ADGRL1: variants seen among roughly 807,000 people sequenced by gnomAD.
The protein encoded by ADGRL1 is CIRL-1.
Under a neutral mutation model 148.9 loss-of-function variants are expected in ADGRL1, and 31 were observed. That is an observed-to-expected ratio of 0.21 (90% CI 0.16 to 0.28). The LOEUF (loss-of-function observed/expected upper bound fraction) is 0.28. ADGRL1 is among the 10% of genes least tolerant of loss of function. The probability of loss-of-function intolerance (pLI) is 1.00; values close to 1 mark genes in which losing one functional copy is unlikely to be tolerated. For synonymous variants in ADGRL1, 937 were observed against 900.3 expected (o/e 1.04, Z -0.73); for missense variants, 1,521 against 2,058.8 (o/e 0.74, Z 5.05).
chr19:14,188,998 C>T (rs565576119), intron 1 of ADGRL1, among the ~76,000 whole-genome samples: 2 of 152,190 alleles, frequency 1.3e-5, no homozygotes, highest in Admixed American at 6.6e-5. Context: ...GTGATCCACC[C>T]GCCTCGGCCT....
Position 14,152,491 on chromosome 19 carries a change from C to G in ADGRL1, c.3520+26G>C. On this transcript the variant is annotated intron_variant, in intron 20 of 22. Coordinates refer to ENST00000361434, the MANE Select transcript of ADGRL1 (RefSeq NM_014921.5). This position sits in a 1 kb window ranked among gnomAD's most constrained non-coding sequence, Gnocchi z 6.1. The stretch of plus-strand genomic sequence containing the variant: ...AGCCGGGAGCCTCCAGAGACTGAAG[C>G]CAGAGGCAGAAGGATGCCTTCTCAC... 1.2e-6 allele frequency: 2 copies of G among 1,612,466 alleles called. No homozygotes were observed. Among genetic ancestry groups the G allele is most frequent in the African/African-American group, 2.7e-5 (2 of 74,996 alleles).
In ADGRL1 at chr19:14,159,876, G is replaced by A. The variant is rs1969161226; in HGVS notation, c.1801-103C>T. On this transcript the variant is annotated intron_variant, in intron 8 of 22. Transcript: ENST00000361434. This position sits in a 1 kb window ranked among gnomAD's most constrained non-coding sequence, Gnocchi z 6.0. ...AGCTCTCTCGTCTGCGGTTACCACT[G>A]ACCCAGGGCTGGGCTATCAGCAAGA... 8.7e-7 allele frequency: 1 copy of A among 1,150,966 alleles called. No individual in the cohort carries two copies. The highest frequency in any genetic ancestry group is 1.5e-5 in the African/African-American group (1 of 66,140). The allele number at this position is 1,150,966 out of a possible 1,614,324, so 71.3% of individuals were successfully genotyped here. A position where few individuals can be genotyped will look rare whatever the true frequency, so the allele number is the denominator to read the frequency against.
At position 14,175,381 on chromosome 19, in the gene ADGRL1, C is replaced by T. The variant is rs186603589; in HGVS notation, c.284+2150G>A. 1.6e-3 allele frequency among the ~76,000 whole-genome samples: 239 copies of T among 151,668 alleles called. 2 individuals carry two copies. The highest frequency in any genetic ancestry group is 2.6e-3 in the Non-Finnish European group (175 of 67,872). ...TAAATACACAAAGACACAGCCACACCCACCCACCCCCACACACGTGCACCC... is the reference window on the plus strand; with the variant it reads ...TAAATACACAAAGACACAGCCACACTCACCCACCCCCACACACGTGCACCC... On this transcript the variant is annotated intron_variant, in intron 3 of 22. Coordinates refer to ENST00000361434, the MANE Select transcript of ADGRL1 (RefSeq NM_014921.5).
At chr19:14,184,630 A>ATTTTTTTT (rs1568618689) in intron 1 of ADGRL1, among the ~76,000 whole-genome samples, 3 of 88,490 alleles carry the variant, frequency 3.4e-5, no homozygotes, top group African/African-American at 1.4e-4. Flanking sequence ...TTATTTATTT[A>ATTTTTTTT]TTTATTTATT....
Position 14,177,557 on chromosome 19 carries a change from C to T in ADGRL1, c.258G>A (p.Pro86=), listed in dbSNP as rs146417164. The change falls in exon 3 of 23, where the codon CCG becomes CCA. Residue 86 remains proline, a synonymous_variant. Coordinates refer to ENST00000361434, the MANE Select transcript of ADGRL1 (RefSeq NM_014921.5). ...FQMENVQCYL[P]DAFKIMSQRC... ...TCTGTGACATGATCTTGAAGGCGTCCGGCAGGTAGCACTGCACATTCTCCA... is the reference window on the plus strand; with the variant it reads ...TCTGTGACATGATCTTGAAGGCGTCTGGCAGGTAGCACTGCACATTCTCCA... 0.012 allele frequency: 19,465 copies of T among 1,614,180 alleles called. 175 individuals are homozygous for T. The highest frequency in any genetic ancestry group is 0.013 in the Non-Finnish European group (15,276 of 1,180,036).
At chr19:14,156,537 T>G in intron 16 of ADGRL1, 121 bp downstream of exon 16, 1 of 652,744 alleles carries the variant, frequency 1.5e-6, no homozygotes. Context: ...AGTTCCGATG[T>G]GTGGAGAGAG....
At position 14,155,871 on chromosome 19, in the gene ADGRL1, C is replaced by A; in HGVS notation, c.3125+239G>T. 3.4e-6 allele frequency: 2 copies of A among 582,826 alleles called. No individual in the cohort carries two copies. 36.1% of individuals were successfully genotyped at this position (582,826 alleles called of 1,614,324 possible). ...AAACAGACTCACCTTTTGAATTTAG[C>A]CTCAGCCTACATACCGATGCCCCTA... On this transcript the variant is annotated intron_variant, in intron 17 of 22. Transcript: ENST00000361434. The surrounding 1 kb of genome is among the most constrained non-coding windows in gnomAD (Gnocchi z 5.0).
chr19:14,160,223 C>T lies in ADGRL1; in HGVS notation c.1689G>A (p.Gly563=), dbSNP rs764447071. The T allele has an allele frequency of 1.2e-5, 20 of 1,601,820 alleles. No individual in the cohort carries two copies. The South Asian group carries it at 1.8e-4, about 14-fold the overall frequency. ...ARHTRGSIYA[G]DVSSSVKLME... is the part of the protein sequence containing the mutation. ...TCAGCTTCACAGAGGAGGAGACGTC[C>T]CCCGCGTAGATGGAGCCCCGGGTGT... The change falls in exon 8 of 23, where the codon GGG becomes GGA. Residue 563 remains glycine (G), a synonymous_variant. Coordinates refer to ENST00000361434, the MANE Select transcript of ADGRL1 (RefSeq NM_014921.5). The surrounding 1 kb of genome is among the most constrained non-coding windows in gnomAD (Gnocchi z 5.9).
chr19:14,175,441 A>G (rs546950813), intron 3 of ADGRL1, among the ~76,000 whole-genome samples: 1 of 149,288 alleles, frequency 6.7e-6, no homozygotes, highest in East Asian at 2.0e-4. Context: ...GAAAACACAC[A>G]CCTCAGTCAG....
intron 1 of ADGRL1, among the ~76,000 whole-genome samples, chr19:14,195,100 G>A (rs1464305708): frequency 1.3e-5 from 2 of 152,008 alleles, no homozygotes; most frequent in Non-Finnish European, 2.9e-5. Context: ...GCCCAGGCTG[G>A]TCTTGAATTC....
intron 2 of ADGRL1, 76 bp from the exon 3 acceptor site, chr19:14,177,820 A>C (rs1298602832): frequency 1.4e-5 from 19 of 1,345,046 alleles, no homozygotes; most frequent in Non-Finnish European, 1.9e-5. Flanking sequence ...TGCCAAGAAA[A>C]CACCACCTCT....
chr19:14,172,727 A>G (rs1040486164), intron 3 of ADGRL1, among the ~76,000 whole-genome samples: 1 of 152,134 alleles, frequency 6.6e-6, no homozygotes, highest in African/African-American at 2.4e-5. Flanking sequence ...GACAATTCAT[A>G]CATTTTAAGT....
chr19:14,205,832 G>A (rs932139017), intron 1 of ADGRL1, among the ~76,000 whole-genome samples, 153 bp downstream of exon 1: 7 of 151,564 alleles, frequency 4.6e-5, no homozygotes, highest in African/African-American at 1.5e-4. Flanking sequence ...TCCCGCTCAG[G>A]TGCGGTGCCC....
chr19:14,163,390 C>A lies in ADGRL1; in HGVS notation c.411G>T (p.Gly137=), dbSNP rs1227514389. 1 of 1,567,146 alleles carries A rather than the reference C, an allele frequency of 6.4e-7. No individual in the cohort carries two copies. The highest frequency in any genetic ancestry group is 1.9e-5 in the Admixed American group (1 of 53,334). Reference sequence around the variant, plus strand: ...TGGGCTCCAGCACCTTCTGCAGGGTCCCTGGGCACACGAAGACTGGGCAGA... The same window carrying A: ...TGGGCTCCAGCACCTTCTGCAGGGTACCTGGGCACACGAAGACTGGGCAGA... ...DCVPYIFVCP[G]TLQKVLEPTS... Residue 137 remains glycine (G), a synonymous_variant, in exon 5 of 23, where the codon GGG becomes GGT. Transcript: ENST00000361434.
chr19:14,186,256 CTA>C (rs1971567092), intron 1 of ADGRL1, among the ~76,000 whole-genome samples: 1 of 152,140 alleles, frequency 6.6e-6, no homozygotes, highest in Non-Finnish European at 1.5e-5. Context: ...TGAGGTCTTG[CTA>C]TGTTGCCCAG....
rs1383878430 is a variant in ADGRL1, at chr19:14,155,604, C to A, written c.3126-77G>T. On this transcript the variant is annotated intron_variant, in intron 17 of 22. Transcript: ENST00000361434. The surrounding 1 kb of genome is among the most constrained non-coding windows in gnomAD (Gnocchi z 5.0). ...CAGCCCAGGCCTCCCCTGCAGCCTACAACGGGGGCCCTTGGGTGGGCCTGG... is the reference window on the plus strand; with the variant it reads ...CAGCCCAGGCCTCCCCTGCAGCCTAAAACGGGGGCCCTTGGGTGGGCCTGG... The A allele has an allele frequency of 3.3e-6, 5 of 1,493,960 alleles. No homozygotes were observed. The highest frequency in any genetic ancestry group is 4.6e-6 in the Non-Finnish European group (5 of 1,092,020). 92.5% of individuals were successfully genotyped at this position (1,493,960 alleles called of 1,614,324 possible).
chr19:14,156,691 C>A lies in ADGRL1; in HGVS notation c.3000G>T (p.Trp1000Cys). 6.2e-7 allele frequency: 1 copy of A among 1,611,824 alleles called. No individual in the cohort carries two copies. The highest frequency in any genetic ancestry group is 8.5e-7 in the Non-Finnish European group (1 of 1,179,108). Reference sequence around the variant, plus strand: ...CGAAGGAGACTGGCCCGATGAAACTCCAGATGAAGTAATTGTCCACTCGGA... The same window carrying A: ...CGAAGGAGACTGGCCCGATGAAACTACAGATGAAGTAATTGTCCACTCGGA... ...CWLRVDNYFI[W>C]SFIGPVSFVI... is the part of the protein sequence containing the mutation. The change falls in exon 16 of 23, where the codon TGG becomes TGT. Residue 1000 changes from tryptophan to cysteine, a missense_variant. Physicochemically the swap from Trp to Cys is radical, Grantham distance 215. Coordinates refer to ENST00000361434, the MANE Select transcript of ADGRL1 (RefSeq NM_014921.5).
Position 14,156,957 on chromosome 19 carries a change from G to A in ADGRL1, c.2934C>T (p.Ala978=). 6.2e-7 allele frequency: 1 copy of A among 1,612,896 alleles called. No homozygotes were observed. The highest frequency in any genetic ancestry group is 8.5e-7 in the Non-Finnish European group (1 of 1,179,858). ...FPALVVGIAA[A]IDYRSYGTEK... ...CGGTGCCGTAGCTGCGGTAGTCAAT[G>A]GCAGCCGCGATGCCCACCACCAGGG... is the stretch of plus-strand genomic sequence containing the variant. Residue 978 remains alanine (A), a synonymous_variant, in exon 15 of 23, where the codon GCC becomes GCT. Transcript: ENST00000361434.
In ADGRL1 at chr19:14,158,497, C is replaced by T. The variant is rs1256460388; in HGVS notation, c.2205G>A (p.Thr735=). The T allele has an allele frequency of 1.2e-6, 2 of 1,614,078 alleles. No individual in the cohort carries two copies. The highest frequency in any genetic ancestry group is 8.5e-7 in the Non-Finnish European group (1 of 1,180,030). ...LYNNLGLFLS[T]ENATVKLAGE... is the part of the protein sequence containing the mutation. ...CGGCCAGCTTCACTGTGGCATTCTC[C>T]GTGGACAGGAAGAGGCCCAGGTTGT... The change falls in exon 12 of 23, where the codon ACG becomes ACA. Residue 735 remains threonine (T), a synonymous_variant. Transcript: ENST00000361434.
Sources: gnomAD v4.1 joint callset for allele counts (sites outside exome capture counted in the v4.1 genomes callset) on GRCh38, gnomAD v4.1.1 for gene constraint, Gnocchi (gnomAD v3.1) non-coding constraint, MANE v1.5 for transcripts, NCBI Gene and HGNC (gene_info 2026-07-23, HGNC 2026-07-21) for gene names.